Variants in DLG2 observed in about 807,000 individuals in gnomAD.
DLG2 encodes the protein disks large homolog 2.
Under a neutral mutation model 132.5 loss-of-function variants are expected in DLG2, and 45 were observed. That is an observed-to-expected ratio of 0.34 (90% CI 0.27 to 0.44). DLG2 has a LOEUF of 0.44. Ranked by LOEUF, DLG2 falls within the 20% of genes least tolerant of loss-of-function variation. The pLI is 1.00. For missense variants in DLG2, 1,045 were observed against 1,196.9 expected (o/e 0.87, Z 1.87); for synonymous variants, 424 against 419.6 (o/e 1.01, Z -0.13).
At chr11:85,468,354 C>G (rs1482417130) in intron 3 of DLG2, among the ~76,000 whole-genome samples, 2 of 152,106 alleles carry the variant, frequency 1.3e-5, no homozygotes, top group Non-Finnish European at 1.5e-5. Context: ...CTTCTGCTAG[C>G]TTTTGAATGT....
chr11:84,355,669 A>G lies in DLG2; in HGVS notation c.520-104378T>C, dbSNP rs1339539852. Among the ~76,000 whole-genome samples the G allele has an allele frequency of 2.0e-5, 3 of 152,154 alleles. No individual in the cohort carries two copies. In the East Asian group the frequency reaches 5.8e-4, roughly 29 times the overall value. ...ATAGCTTTAGAGAGTCATTAGTACA[A>G]TTAGAGCATGAGAAGAGGTAAGATG... On this transcript the variant is annotated intron_variant, in intron 7 of 27. Coordinates refer to ENST00000376104, the MANE Select transcript of DLG2 (RefSeq NM_001142699.3).
intron 6 of DLG2, among the ~76,000 whole-genome samples, chr11:85,006,770 G>T (rs1383256533): frequency 2.6e-5 from 4 of 151,910 alleles, no homozygotes; most frequent in Non-Finnish European, 5.9e-5. Context: ...TCTTCTGCTA[G>T]CTTTTGAGTT....
intron 8 of DLG2, among the ~76,000 whole-genome samples, chr11:84,174,047 A>G (rs1015157230): frequency 2.5e-5 from 1 of 40,278 alleles, no homozygotes; most frequent in African/African-American, 8.1e-5. Flanking sequence ...CTGAGTAAAC[A>G]CTTAAGTACT....
At chr11:83,599,492 G>A (rs1419117670) in intron 19 of DLG2, among the ~76,000 whole-genome samples, 1 of 152,144 alleles carries the variant, frequency 6.6e-6, no homozygotes, top group African/African-American at 2.4e-5. Flanking sequence ...TCCTTCAAAA[G>A]ATCCAAAAAG....
intron 18 of DLG2, among the ~76,000 whole-genome samples, chr11:83,686,075 A>G (rs1592419423): frequency 6.6e-6 from 1 of 152,144 alleles, no homozygotes; most frequent in East Asian, 1.9e-4. Flanking sequence ...GATTTCTGCA[A>G]CCACCTCCTC....
At chr11:84,515,803 T>TA (rs1018627782) in intron 7 of DLG2, among the ~76,000 whole-genome samples, 2 of 151,830 alleles carry the variant, frequency 1.3e-5, no homozygotes, top group Non-Finnish European at 2.9e-5. Context: ...TAAGTGCACA[T>TA]AGAGCATTTT....
chr11:85,033,119 CTG>C (rs948539478), intron 6 of DLG2, among the ~76,000 whole-genome samples: 4 of 152,102 alleles, frequency 2.6e-5, no homozygotes, highest in South Asian at 2.1e-4. Flanking sequence ...AAAAAAATAA[CTG>C]TTTTTTGTCT....
intron 6 of DLG2, among the ~76,000 whole-genome samples, chr11:84,600,159 G>GGAAAGAAGGAAAGAAGGAAA: frequency 2.1e-5 from 2 of 96,148 alleles, no homozygotes; most frequent in African/African-American, 8.7e-5. Flanking sequence ...AAAGAAAGAA[G>GGAAAGAAGGAAAGAAGGAAA]GAAAGAAAGA....
chr11:84,094,490 T>C (rs561846746), intron 10 of DLG2, among the ~76,000 whole-genome samples: 2 of 152,212 alleles, frequency 1.3e-5, no homozygotes, highest in African/African-American at 4.8e-5. Flanking sequence ...GTCAAAAATA[T>C]AATTTATGTC....
intron 16 of DLG2, among the ~76,000 whole-genome samples, chr11:83,846,542 G>T (rs1393087304): frequency 1.3e-5 from 2 of 152,062 alleles, no homozygotes; most frequent in Non-Finnish European, 2.9e-5. Context: ...CAAAGTGAGG[G>T]GCTTTGATTG....
At chr11:83,783,812 C>G (rs1373544178) in intron 18 of DLG2, among the ~76,000 whole-genome samples, 1 of 152,142 alleles carries the variant, frequency 6.6e-6, no homozygotes, top group African/African-American at 2.4e-5. Flanking sequence ...CTTGCACTGT[C>G]CTGACCCCTT....
At chr11:85,151,840 TA>T (rs1181163131) in intron 5 of DLG2, among the ~76,000 whole-genome samples, 1 of 152,242 alleles carries the variant, frequency 6.6e-6, no homozygotes, top group Non-Finnish European at 1.5e-5. Context: ...AGTTTGTTCT[TA>T]TTCTCCAAAA....
intron 7 of DLG2, among the ~76,000 whole-genome samples, chr11:84,289,288 A>T (rs2097953284): frequency 6.6e-6 from 1 of 152,158 alleles, no homozygotes; most frequent in Non-Finnish European, 1.5e-5. Context: ...ATAAAGCTAC[A>T]AACTTGGAAT....
intron 19 of DLG2, among the ~76,000 whole-genome samples, chr11:83,584,423 G>T (rs1028350740): frequency 6.6e-6 from 1 of 152,168 alleles, no homozygotes; most frequent in Non-Finnish European, 1.5e-5. Flanking sequence ...ATCAGAATAC[G>T]CTTCACCAAA....
At chr11:84,489,483 T>A (rs1412201159) in intron 7 of DLG2, among the ~76,000 whole-genome samples, 1 of 152,070 alleles carries the variant, frequency 6.6e-6, no homozygotes, top group East Asian at 1.9e-4. Context: ...CTCAAAAATA[T>A]CCTATAGCTC....
chr11:84,495,766 T>A (rs962460932), intron 7 of DLG2, among the ~76,000 whole-genome samples: 7 of 152,168 alleles, frequency 4.6e-5, no homozygotes, highest in Non-Finnish European at 8.8e-5. Context: ...CCTACTATTC[T>A]CCAAGCTCTG....
chr11:85,403,185 C>T (rs2088348107), intron 3 of DLG2, among the ~76,000 whole-genome samples: 1 of 152,088 alleles, frequency 6.6e-6, no homozygotes, highest in Non-Finnish European at 1.5e-5. Context: ...AGTTATTGTC[C>T]TTTGCAGAGA....
intron 7 of DLG2, among the ~76,000 whole-genome samples, chr11:84,478,930 C>T (rs140799015): frequency 1.3e-5 from 2 of 152,066 alleles, no homozygotes; most frequent in Admixed American, 6.6e-5. Flanking sequence ...AGGTGCTTTG[C>T]CACATAAATG....
chr11:83,724,097 A>T (rs1473756947), intron 18 of DLG2, among the ~76,000 whole-genome samples: 3 of 152,146 alleles, frequency 2.0e-5, no homozygotes, highest in Non-Finnish European at 4.4e-5. Context: ...TGCCCCCTGG[A>T]GGATGTTAGA....
Sources: allele counts gnomAD v4.1 joint callset (sites outside exome capture counted in the v4.1 genomes callset), GRCh38; gene constraint gnomAD v4.1.1; transcripts MANE v1.5; gene names NCBI Gene and HGNC (gene_info 2026-07-23, HGNC 2026-07-21).